Variants in GDE1 observed in about 807,000 individuals in gnomAD.
The protein encoded by GDE1 is RGS16-interacting membrane protein.
In GDE1, 24 loss-of-function variants were observed where a neutral mutation model predicts 32.2. The observed-to-expected ratio is 0.75, with a 90% CI of 0.54 to 1.05. The LOEUF (loss-of-function observed/expected upper bound fraction) is 1.05, where lower values mean the gene tolerates loss of function less well. GDE1 is among the 50% of genes least tolerant of loss of function. The pLI is 0.00. For synonymous variants in GDE1, 159 were observed against 158.6 expected, an observed-to-expected ratio of 1.00 and a Z score of -0.02; for missense variants, 380 against 415.0, an observed-to-expected ratio of 0.92 and a Z score of 0.73.
intron 1 of GDE1, 99 bp downstream of exon 1, chr16:19,521,604 AG>A: frequency 7.6e-7 from 1 of 1,314,792 alleles, no homozygotes; most frequent in East Asian, 2.4e-5. Context: ...CGAATGAGGA[AG>A]TGGGAAGGCC....
chr16:19,511,076 C>A, intron 2 of GDE1, 132 bp from the exon 3 acceptor site: 1 of 505,728 alleles, frequency 2.0e-6, no homozygotes, highest in Non-Finnish European at 3.5e-6. Flanking sequence ...TCGACCATAG[C>A]AAAGTCCAAA....
intron 2 of GDE1, among the ~76,000 whole-genome samples, chr16:19,512,961 G>GTGTA (rs1482408919): frequency 6.6e-6 from 1 of 151,354 alleles, no homozygotes; most frequent in Non-Finnish European, 1.5e-5. Flanking sequence ...GTGTGTGTGT[G>GTGTA]TGTGTGTCAG....
intron 1 of GDE1, among the ~76,000 whole-genome samples, chr16:19,519,545 T>A (rs1316508111): frequency 6.6e-6 from 1 of 151,898 alleles, no homozygotes; most frequent in Non-Finnish European, 1.5e-5. Context: ...AACCAAAAAA[T>A]TTGTGACTCC....
chr16:19,511,001 G>T, intron 2 of GDE1, 57 bp from the exon 3 acceptor site: 1 of 825,324 alleles, frequency 1.2e-6, no homozygotes, highest in Non-Finnish European at 2.0e-6. Context: ...AAACTGTATT[G>T]CAACAAACAT....
rs1487201763 is a variant in GDE1, at chr16:19,522,007, G to A, written c.-43C>T. The A allele has an allele frequency of 1.3e-6, 2 of 1,502,288 alleles. No homozygotes were observed. The highest frequency in any genetic ancestry group is 2.2e-5 in the Admixed American group (1 of 46,412). 93.1% of individuals were successfully genotyped at this position (1,502,288 alleles called of 1,614,324 possible). On this transcript the variant is annotated 5_prime_UTR_variant, in exon 1 of 6. Transcript: ENST00000353258. ...CACGGACGGGAGTCCCGGACCCGCC[G>A]GGCTCCTGGGGCAGTAGAACGAGAA...
chr16:19,510,362 G>A (rs1362151248), intron 3 of GDE1, among the ~76,000 whole-genome samples: 1 of 152,078 alleles, frequency 6.6e-6, no homozygotes, highest in African/African-American at 2.4e-5. Flanking sequence ...CTATGTAAAA[G>A]GTATATGTTC....
chr16:19,521,574 C>A, intron 1 of GDE1, 130 bp downstream of exon 1: 1 of 1,010,978 alleles, frequency 9.9e-7, no homozygotes. Flanking sequence ...CGATCAAGGG[C>A]CGGGAGTGTG....
chr16:19,522,090 C>T lies in GDE1; in HGVS notation c.-126G>A. ...CAGGAACCCTCTGAGGGGACCAGCG[C>T]CGCACAATGGCGGCAGCAGACACAT... On this transcript the variant is annotated 5_prime_UTR_variant, in exon 1 of 6. Transcript: ENST00000353258. 3 of 975,396 alleles carry T rather than the reference C, an allele frequency of 3.1e-6. No individual in the cohort carries two copies. In the South Asian group the frequency reaches 5.3e-5, roughly 17 times the overall value. The allele number at this position is 975,396 out of a possible 1,614,324, so 60.4% of individuals were successfully genotyped here.
intron 4 of GDE1, 56 bp downstream of exon 4, chr16:19,507,631 T>C (rs763662779): frequency 1.1e-5 from 10 of 872,544 alleles, no homozygotes; most frequent in African/African-American, 3.3e-5. Context: ...ACGCAGCCCA[T>C]TGCAATTATC....
intron 2 of GDE1, among the ~76,000 whole-genome samples, chr16:19,515,711 C>T (rs8050336): frequency 0.021 from 3,212 of 152,226 alleles, 107 homozygotes; most frequent in African/African-American, 0.071. Flanking sequence ...GTATGACTTC[C>T]TTCGGCAGAC....
intron 2 of GDE1, among the ~76,000 whole-genome samples, chr16:19,512,469 G>C (rs1457065057): frequency 6.6e-6 from 1 of 152,092 alleles, no homozygotes; most frequent in Non-Finnish European, 1.5e-5. Context: ...TTAGTTACTT[G>C]TCTGTTGAAT....
intron 5 of GDE1, 76 bp downstream of exon 5, chr16:19,504,805 A>T: frequency 1.1e-6 from 1 of 922,010 alleles, no homozygotes; most frequent in Non-Finnish European, 1.7e-6. Context: ...CAGGTTGTCT[A>T]CTCTGTTAAT....
Position 19,506,042 on chromosome 16 carries a change from C to T in GDE1, c.637-950G>A, listed in dbSNP as rs142483036. Among the ~76,000 whole-genome samples the T allele has an allele frequency of 8.5e-5, 13 of 152,254 alleles. No homozygotes were observed. In the East Asian group the frequency reaches 2.3e-3, roughly 27 times the overall value. On this transcript the variant is annotated intron_variant, in intron 4 of 5. Coordinates refer to ENST00000353258, the MANE Select transcript of GDE1 (RefSeq NM_016641.4). Reference sequence around the variant, plus strand: ...AGATCTGGCCAATGAGCATCAATAGCAGCCAAAAACAACAGGAGTCAACCA... The same window carrying T: ...AGATCTGGCCAATGAGCATCAATAGTAGCCAAAAACAACAGGAGTCAACCA...
At chr16:19,519,265 C>T (rs1969418876) in intron 1 of GDE1, among the ~76,000 whole-genome samples, 1 of 151,972 alleles carries the variant, frequency 6.6e-6, no homozygotes. Context: ...TCTTAAGACT[C>T]ACAATTTGAA....
chr16:19,510,349 A>C (rs2074167), intron 3 of GDE1, among the ~76,000 whole-genome samples: 23,198 of 152,196 alleles, frequency 0.15, 1,848 homozygotes, highest in Admixed American at 0.2. Flanking sequence ...CAAAGGGATA[A>C]ATCTATGTAA....
chr16:19,519,654 T>C (rs1368411620), intron 1 of GDE1, among the ~76,000 whole-genome samples: 2 of 152,102 alleles, frequency 1.3e-5, no homozygotes, highest in Non-Finnish European at 2.9e-5. Flanking sequence ...GAACCAGGGA[T>C]TCATCTTTTT....
intron 1 of GDE1, among the ~76,000 whole-genome samples, chr16:19,518,913 C>T (rs1216353379): frequency 1.3e-5 from 2 of 152,182 alleles, no homozygotes; most frequent in Non-Finnish European, 1.5e-5. Context: ...TCTGCTCTCA[C>T]AACAATCAAC....
At position 19,501,776 on chromosome 16, in the gene GDE1, C is replaced by A. The variant is rs569162447; in HGVS notation, c.*1694G>T. On this transcript the variant is annotated 3_prime_UTR_variant, in exon 6 of 6. Transcript: ENST00000353258. Reference sequence around the variant, plus strand: ...AAATGCTGATTCAAAACGTACCAATCCCCATCTATCATGCCTATGCCAATA... The same window carrying A: ...AAATGCTGATTCAAAACGTACCAATACCCATCTATCATGCCTATGCCAATA... 2 of 152,274 alleles carry A rather than the reference C, an allele frequency of 1.3e-5. No homozygotes were observed. The highest frequency in any genetic ancestry group is 4.1e-4 in the South Asian group (2 of 4,824). 9.4% of individuals were successfully genotyped at this position (152,274 alleles called of 1,614,324 possible).
Position 19,517,531 on chromosome 16 carries a change from C to A in GDE1, c.262-342G>T, listed in dbSNP as rs557596594. ...ATACTTAGACAATTCCACTGTTTAC[C>A]TACACTATTTGTTGGTACAGCAGTT... On this transcript the variant is annotated intron_variant, in intron 1 of 5. Coordinates refer to ENST00000353258, the MANE Select transcript of GDE1 (RefSeq NM_016641.4). Among the ~76,000 whole-genome samples, 7 of 152,304 alleles carry A rather than the reference C, an allele frequency of 4.6e-5. No individual in the cohort carries two copies. In the South Asian group the frequency reaches 8.3e-4, roughly 18 times the overall value.
Sources: allele counts gnomAD v4.1 joint callset (sites outside exome capture counted in the v4.1 genomes callset), GRCh38; gene constraint gnomAD v4.1.1; transcripts MANE v1.5; gene names NCBI Gene and HGNC (gene_info 2026-07-23, HGNC 2026-07-21).